The following MRGPRE variants were observed in gnomAD, a reference collection of about 807,000 sequenced individuals.
MRGPRE encodes MAS related GPR family member E.
For missense variants in MRGPRE, 466 were observed against 433.4 expected, an observed-to-expected ratio of 1.08 and a Z score of -0.67; for synonymous variants, 229 against 206.7, an observed-to-expected ratio of 1.11 and a Z score of -0.92.
rs765809701 is a variant in MRGPRE, at chr11:3,228,246, A to C, written c.554T>G (p.Leu185Arg). ...ACACATGGTGCAACACAGCAGAGCC[A>C]GCAGCACCGCTGCCACCAGCCACAG... ...RTLWLVAAVL[L>R]ALLCCTMCGA... is the part of the protein sequence containing the mutation. The change falls in exon 2 of 2, where the codon CTG (leucine) becomes CGG (arginine). Residue 185 changes from leucine to arginine, a missense_variant. Coordinates refer to ENST00000389832, the MANE Select transcript of MRGPRE (RefSeq NM_001039165.4). 3 of 1,552,198 alleles carry C rather than the reference A, an allele frequency of 1.9e-6. No homozygotes were observed. The African/African-American group carries it at 4.1e-5, about 21-fold the overall frequency.
intron 1 of MRGPRE, 96 bp from the exon 2 acceptor site, chr11:3,228,956 G>T: frequency 1.6e-6 from 1 of 624,760 alleles, no homozygotes; most frequent in Non-Finnish European, 2.8e-6. Context: ...GTGACCAAGG[G>T]AATGGTGAGA....
rs574824336 is a variant in MRGPRE at position 3,225,140 on chromosome 11, T to C, written c.*2721A>G. Among the ~76,000 whole-genome samples, 1 of 152,318 alleles carries C rather than the reference T, an allele frequency of 6.6e-6. No homozygotes were observed. Among genetic ancestry groups the C allele is most frequent in the African/African-American group, 2.4e-5 (1 of 41,578 alleles). ...GAAGACGCCATGCAGCGCAGGCTGA[T>C]TTACAGACTCGTACCCGGGCGCTGG... On this transcript the variant is annotated 3_prime_UTR_variant, in exon 2 of 2. Coordinates refer to ENST00000389832, the MANE Select transcript of MRGPRE (RefSeq NM_001039165.4).
rs1847774020 is a variant in MRGPRE, at chr11:3,227,388, C to T, written c.*473G>A. 6.6e-6 allele frequency among the ~76,000 whole-genome samples: 1 copy of T among 152,124 alleles called. No individual in the cohort carries two copies. The highest frequency in any genetic ancestry group is 1.5e-5 in the Non-Finnish European group (1 of 68,010). Reference sequence around the variant, plus strand: ...GCTTCCACAGCGGGCACAAGGCGAGCTGAGGGGATGGTTGTGTTATCTGTG... The same window carrying T: ...GCTTCCACAGCGGGCACAAGGCGAGTTGAGGGGATGGTTGTGTTATCTGTG... On this transcript the variant is annotated 3_prime_UTR_variant, in exon 2 of 2. Transcript: ENST00000389832.
rs1158203962 is a variant in MRGPRE, at chr11:3,228,231, C to T, written c.569G>A (p.Cys190Tyr). Residue 190 changes from cysteine to tyrosine, a missense_variant, in exon 2 of 2, where the codon TGC becomes TAC. Cys to Tyr is a radical substitution (Grantham distance 194). Coordinates refer to ENST00000389832, the MANE Select transcript of MRGPRE (RefSeq NM_001039165.4). ...CATAAGGCTGGCCCCACACATGGTG[C>T]AACACAGCAGAGCCAGCAGCACCGC... ...VAAVLLALLC[C>Y]TMCGASLMLL... 1.3e-6 allele frequency: 2 copies of T among 1,554,148 alleles called. No homozygotes were observed. Among genetic ancestry groups the T allele is most frequent in the Admixed American group, 2.0e-5 (1 of 51,134 alleles).
chr11:3,228,738 A>C lies in MRGPRE; in HGVS notation c.62T>G (p.Val21Gly), dbSNP rs768971610. ...VGAANGAQEDVAFNLIILSLT... is the reference protein window; with the variant it reads ...VGAANGAQEDGAFNLIILSLT... ...GGACAGGATGATGAGGTTGAAGGCC[A>C]CATCCTCCTGGGCGCCGTTGGCGGC... The change falls in exon 2 of 2, where the codon GTG (valine) becomes GGG (glycine). Residue 21 changes from valine to glycine, a missense_variant. Val to Gly is a moderately radical substitution (Grantham distance 109). Transcript: ENST00000389832. The C allele has an allele frequency of 1.9e-6, 3 of 1,613,496 alleles. No homozygotes were observed. In the South Asian group the frequency reaches 3.3e-5, roughly 18 times the overall value.
At position 3,231,206 on chromosome 11, in the gene MRGPRE, G is replaced by C. The variant is rs113958984; in HGVS notation, c.-62+935C>G. Among the ~76,000 whole-genome samples, 1 of 152,024 alleles carries C rather than the reference G, an allele frequency of 6.6e-6. No individual in the cohort carries two copies. Among genetic ancestry groups the C allele is most frequent in the Non-Finnish European group, 1.5e-5 (1 of 67,992 alleles). ...CCTCCTGCATGGCTGAGGAGGACAC[G>C]GGCCTCATGGGTGGGCCCCAGGGAG... On this transcript the variant is annotated intron_variant, in intron 1 of 1. Transcript: ENST00000389832. This position sits in a 1 kb window ranked among gnomAD's most constrained non-coding sequence, Gnocchi z 4.7.
In MRGPRE at chr11:3,229,350, C is replaced by T. The variant is rs1486721876; in HGVS notation, c.-61-490G>A. Reference sequence around the variant, plus strand: ...AAGTGATTCTCCTGTCTCAGCCTCCCGAAGAGCTGGGATTACAGGCGTGCA... The same window carrying T: ...AAGTGATTCTCCTGTCTCAGCCTCCTGAAGAGCTGGGATTACAGGCGTGCA... On this transcript the variant is annotated intron_variant, in intron 1 of 1. Transcript: ENST00000389832. The surrounding 1 kb of genome is among the most constrained non-coding windows in gnomAD (Gnocchi z 4.4). Among the ~76,000 whole-genome samples the T allele has an allele frequency of 2.0e-5, 3 of 151,736 alleles. No individual in the cohort carries two copies. The highest frequency in any genetic ancestry group is 1.3e-4 in the Admixed American group (2 of 15,228).
At position 3,229,564 on chromosome 11, in the gene MRGPRE, A is replaced by T. The variant is rs1847807839; in HGVS notation, c.-61-704T>A. ...CATGTCTAATGAGTGGTGTGACCAC[A>T]GAGGGACAGCTTACAGTGGCTGTGG... On this transcript the variant is annotated intron_variant, in intron 1 of 1. Transcript: ENST00000389832. This position sits in a 1 kb window ranked among gnomAD's most constrained non-coding sequence, Gnocchi z 4.4. Among the ~76,000 whole-genome samples, 1 of 152,214 alleles carries T rather than the reference A, an allele frequency of 6.6e-6. No individual in the cohort carries two copies. The highest frequency in any genetic ancestry group is 6.5e-5 in the Admixed American group (1 of 15,290).
In MRGPRE at chr11:3,229,340, C is replaced by T. The variant is rs1210390599; in HGVS notation, c.-61-480G>A. On this transcript the variant is annotated intron_variant, in intron 1 of 1. Transcript: ENST00000389832. The surrounding 1 kb of genome is among the most constrained non-coding windows in gnomAD (Gnocchi z 4.4). ...TCCCGGGTTCAAGTGATTCTCCTGT[C>T]TCAGCCTCCCGAAGAGCTGGGATTA... Among the ~76,000 whole-genome samples the T allele has an allele frequency of 2.7e-5, 4 of 150,226 alleles. No homozygotes were observed. Among genetic ancestry groups the T allele is most frequent in the Non-Finnish European group, 5.9e-5 (4 of 67,812 alleles).
Position 3,229,357 on chromosome 11 carries a change from C to T in MRGPRE, c.-61-497G>A, listed in dbSNP as rs1847805439. ...TCTCCTGTCTCAGCCTCCCGAAGAG[C>T]TGGGATTACAGGCGTGCATCACCAT... On this transcript the variant is annotated intron_variant, in intron 1 of 1. Coordinates refer to ENST00000389832, the MANE Select transcript of MRGPRE (RefSeq NM_001039165.4). This position sits in a 1 kb window ranked among gnomAD's most constrained non-coding sequence, Gnocchi z 4.4. Among the ~76,000 whole-genome samples, 1 of 151,890 alleles carries T rather than the reference C, an allele frequency of 6.6e-6. No homozygotes were observed. The highest frequency in any genetic ancestry group is 2.1e-4 in the South Asian group (1 of 4,822).
chr11:3,227,659 A>T lies in MRGPRE; in HGVS notation c.*202T>A, dbSNP rs959695755. The T allele has an allele frequency of 2.2e-5, 10 of 464,342 alleles. No homozygotes were observed. Among genetic ancestry groups the T allele is most frequent in the Non-Finnish European group, 3.0e-5 (8 of 268,190 alleles). The allele number at this position is 464,342 out of a possible 1,614,324, so 28.8% of individuals were successfully genotyped here. ...AGAGACCCGGCCCGCCTGCCTGGGC[A>T]TGTAGAGACCTTGCCTTTCCAGCTG... On this transcript the variant is annotated 3_prime_UTR_variant, in exon 2 of 2. Transcript: ENST00000389832.
rs1419191408 is a variant in MRGPRE, at chr11:3,230,999, G to A, written c.-62+1142C>T. Among the ~76,000 whole-genome samples the A allele has an allele frequency of 6.6e-6, 1 of 152,112 alleles. No homozygotes were observed. Among genetic ancestry groups the A allele is most frequent in the Non-Finnish European group, 1.5e-5 (1 of 68,006 alleles). ...CACCAACCCTCAGGCCCAGAGGGAGGCAGAGATGAGTTTTGGGAGGTCTTA... is the reference window on the plus strand; with the variant it reads ...CACCAACCCTCAGGCCCAGAGGGAGACAGAGATGAGTTTTGGGAGGTCTTA... On this transcript the variant is annotated intron_variant, in intron 1 of 1. Transcript: ENST00000389832. This position sits in a 1 kb window ranked among gnomAD's most constrained non-coding sequence, Gnocchi z 5.5.
Position 3,228,134 on chromosome 11 carries a change from G to T in MRGPRE, c.666C>A (p.Thr222=). 6.3e-7 allele frequency: 1 copy of T among 1,585,958 alleles called. No homozygotes were observed. The highest frequency in any genetic ancestry group is 8.6e-7 in the Non-Finnish European group (1 of 1,166,638). ...GGCCGCAGAAGAGGAAGAGGAGGACGGTGAGGAGGATGAGCCCAGGGAAGC... is the reference window on the plus strand; with the variant it reads ...GGCCGCAGAAGAGGAAGAGGAGGACTGTGAGGAGGATGAGCCCAGGGAAGC... ...PRGFPGLILL[T]VLLFLFCGLP... Residue 222 remains threonine (T), a synonymous_variant, in exon 2 of 2, where the codon ACC becomes ACA. Coordinates refer to ENST00000389832, the MANE Select transcript of MRGPRE (RefSeq NM_001039165.4).
Position 3,225,540 on chromosome 11 carries a change from AG to A in MRGPRE, c.*2320del, listed in dbSNP as rs989119740. Among the ~76,000 whole-genome samples the A allele has an allele frequency of 6.6e-6, 1 of 152,130 alleles. No individual in the cohort carries two copies. The highest frequency in any genetic ancestry group is 2.4e-5 in the African/African-American group (1 of 41,436). On this transcript the variant is annotated 3_prime_UTR_variant, in exon 2 of 2. Coordinates refer to ENST00000389832, the MANE Select transcript of MRGPRE (RefSeq NM_001039165.4). ...AAGAGGAGGTGCAGCGGGGGAGGTCAGAGGAGGCGCAGGCTGGGCAGGGGCA... is the reference window on the plus strand; with the variant it reads ...AAGAGGAGGTGCAGCGGGGGAGGTCAAGGAGGCGCAGGCTGGGCAGGGGCA...
Position 3,226,392 on chromosome 11 carries a change from T to C in MRGPRE, c.*1469A>G, listed in dbSNP as rs1590770049. The C allele has an allele frequency of 2.0e-5, 3 of 152,326 alleles. No individual in the cohort carries two copies. 9.4% of individuals were successfully genotyped at this position (152,326 alleles called of 1,614,324 possible). A position where few individuals can be genotyped will look rare whatever the true frequency, so the allele number is the denominator to read the frequency against. ...TGTGCAGATCCTGGGCTGGAGATAA[T>C]TTGGGAGGAGGTAAGTCCCCAAGTG... On this transcript the variant is annotated 3_prime_UTR_variant, in exon 2 of 2. Coordinates refer to ENST00000389832, the MANE Select transcript of MRGPRE (RefSeq NM_001039165.4).
In MRGPRE at chr11:3,225,930, A is replaced by G. The variant is rs922139778; in HGVS notation, c.*1931T>C. On this transcript the variant is annotated 3_prime_UTR_variant, in exon 2 of 2. Coordinates refer to ENST00000389832, the MANE Select transcript of MRGPRE (RefSeq NM_001039165.4). Reference sequence around the variant, plus strand: ...CCGCAATCTCTCTGAACCCTTATGCAGCAAAGGGGTCTGCGTGGGGATGGG... The same window carrying G: ...CCGCAATCTCTCTGAACCCTTATGCGGCAAAGGGGTCTGCGTGGGGATGGG... 2.0e-5 allele frequency: 3 copies of G among 152,368 alleles called. No individual in the cohort carries two copies. The highest frequency in any genetic ancestry group is 7.2e-5 in the African/African-American group (3 of 41,440). The allele number at this position is 152,368 out of a possible 1,614,324, so 9.4% of individuals were successfully genotyped here. A position where few individuals can be genotyped will look rare whatever the true frequency, so the allele number is the denominator to read the frequency against.
chr11:3,228,732 A>G lies in MRGPRE; in HGVS notation c.68T>C (p.Phe23Ser). 2 of 1,613,758 alleles carry G rather than the reference A, an allele frequency of 1.2e-6. No homozygotes were observed. Among genetic ancestry groups the G allele is most frequent in the Non-Finnish European group, 1.7e-6 (2 of 1,179,934 alleles). ...GGTGAGGGACAGGATGATGAGGTTG[A>G]AGGCCACATCCTCCTGGGCGCCGTT... ...AANGAQEDVAFNLIILSLTEG... is the reference protein window; with the variant it reads ...AANGAQEDVASNLIILSLTEG... The change falls in exon 2 of 2, where the codon TTC becomes TCC. Residue 23 changes from phenylalanine (F) to serine (S), a missense_variant. Physicochemically the swap from Phe to Ser is radical, Grantham distance 155. Transcript: ENST00000389832.
rs1163644589 is a variant in MRGPRE at position 3,228,408 on chromosome 11, T to C, written c.392A>G (p.Tyr131Cys). ...QCLAALFPAW[Y>C]SCRRPRHLTT... ...CAGGTGGCGTGGGCGGCGGCACGAG[T>C]ACCAGGCTGGGAAGAGGGCGGCCAG... Residue 131 changes from tyrosine (Y) to cysteine (C), a missense_variant, in exon 2 of 2, where the codon TAC becomes TGC. Tyr to Cys is a radical substitution (Grantham distance 194). Transcript: ENST00000389832. The C allele has an allele frequency of 1.2e-6, 2 of 1,605,800 alleles. No homozygotes were observed. Among genetic ancestry groups the C allele is most frequent in the Non-Finnish European group, 1.7e-6 (2 of 1,177,566 alleles).
rs1847785052 is a variant in MRGPRE, at chr11:3,228,157, A to C, written c.643T>G (p.Phe215Val). Residue 215 changes from phenylalanine (F) to valine (V), a missense_variant, in exon 2 of 2, where the codon TTC becomes GTC. Phe to Val is a conservative substitution (Grantham distance 50). Coordinates refer to ENST00000389832, the MANE Select transcript of MRGPRE (RefSeq NM_001039165.4). ...ACGGTGAGGAGGATGAGCCCAGGGAAGCCCCGGGGTGGGGGCCGCTGGGGG... is the reference window on the plus strand; with the variant it reads ...ACGGTGAGGAGGATGAGCCCAGGGACGCCCCGGGGTGGGGGCCGCTGGGGG... Reference protein sequence around the residue: ...RGPQRPPPRGFPGLILLTVLL... With the variant: ...RGPQRPPPRGVPGLILLTVLL... 6.3e-7 allele frequency: 1 copy of C among 1,575,118 alleles called. No individual in the cohort carries two copies. Among genetic ancestry groups the C allele is most frequent in the Non-Finnish European group, 8.6e-7 (1 of 1,160,772 alleles).
Sources: allele counts gnomAD v4.1 joint callset (sites outside exome capture counted in the v4.1 genomes callset), GRCh38; gene constraint gnomAD v4.1.1; non-coding constraint Gnocchi (gnomAD v3.1); transcripts MANE v1.5; gene names NCBI Gene and HGNC (gene_info 2026-07-23, HGNC 2026-07-21).